Variants in ADAMTS20 observed in about 807,000 individuals in gnomAD.
The protein encoded by ADAMTS20 is A disintegrin and metalloproteinase with thrombospondin motifs 20.
A neutral mutation model predicts 260.1 loss-of-function variants in ADAMTS20; 225 were observed. The ratio of observed to expected loss-of-function variants is 0.87; its 90% CI spans 0.78 to 0.97. The LOEUF is 0.97. Ranked by LOEUF, ADAMTS20 falls within the 50% of genes least tolerant of loss-of-function variation. The pLI, the probability that ADAMTS20 is intolerant of heterozygous loss-of-function variation, is 0.00. For missense variants in ADAMTS20, 2,400 were observed against 2,337.7 expected (o/e 1.03, Z -0.55); for synonymous variants, 802 against 769.5 (o/e 1.04, Z -0.70).
At chr12:43,539,193 C>CTG (rs1943340361) in intron 2 of ADAMTS20, among the ~76,000 whole-genome samples, 1 of 152,044 alleles carries the variant, frequency 6.6e-6, no homozygotes, top group Non-Finnish European at 1.5e-5. Flanking sequence ...CCTCGTGATC[C>CTG]ACCCGCCTTG....
rs200416567 is a variant in ADAMTS20, at chr12:43,383,114, AAG to A, written c.4797+442_4797+443del. Among the ~76,000 whole-genome samples, 691 of 152,292 alleles carry A rather than the reference AAG, an allele frequency of 4.5e-3. 6 individuals are homozygous for A. The highest frequency in any genetic ancestry group is 0.016 in the African/African-American group (662 of 41,554). On this transcript the variant is annotated intron_variant, in intron 31 of 38. Coordinates refer to ENST00000389420, the MANE Select transcript of ADAMTS20 (RefSeq NM_025003.5). ...GTGAGGAGGGAAAAGAGAGGGGGGA[AAG>A]AGATTATAAAGCAGCACAAGGAAAC... is the stretch of plus-strand genomic sequence containing the variant.
In ADAMTS20 at chr12:43,439,960, T is replaced by G. The variant is rs534677515; in HGVS notation, c.2400A>C (p.Gly800=). 2 of 1,601,552 alleles carry G rather than the reference T, an allele frequency of 1.2e-6. No individual in the cohort carries two copies. Among genetic ancestry groups the G allele is most frequent in the African/African-American group, 2.7e-5 (2 of 74,956 alleles). Residue 800 remains glycine (G), a synonymous_variant, in exon 17 of 39, where the codon GGA becomes GGC. Coordinates refer to ENST00000389420, the MANE Select transcript of ADAMTS20 (RefSeq NM_025003.5). ...TAATTCTTTCAACTGCGTTATTTGATCCACTGTATTCAATAACAGTTCTTG... is the reference window on the plus strand; with the variant it reads ...TAATTCTTTCAACTGCGTTATTTGAGCCACTGTATTCAATAACAGTTCTTG... ...QGTRTVIEYS[G]SNNAVERINS...
rs767046357 is a variant in ADAMTS20, at chr12:43,428,783, C to T, written c.3506G>A (p.Gly1169Glu). Residue 1169 changes from glycine to glutamate, a missense_variant, in exon 25 of 39, where the codon GGA becomes GAA. Gly to Glu is a moderately conservative substitution (Grantham distance 98, BLOSUM62 -2). Coordinates refer to ENST00000389420, the MANE Select transcript of ADAMTS20 (RefSeq NM_025003.5). ...TACATAGCGGGCTTGAGTACCTCTT[C>T]CACAAGATACGGAGCACTTTTTAAG... ...GSWTPCSVSC[G>E]RGTQARYVSC... 2 of 1,605,678 alleles carry T rather than the reference C, an allele frequency of 1.2e-6. No homozygotes were observed. The highest frequency in any genetic ancestry group is 2.2e-5 in the South Asian group (2 of 90,026).
chr12:43,454,677 A>G (rs772096908), intron 11 of ADAMTS20, among the ~76,000 whole-genome samples: 4 of 152,134 alleles, frequency 2.6e-5, no homozygotes, highest in Non-Finnish European at 5.9e-5. Context: ...TACACCAAAC[A>G]TCACTCCAGC....
chr12:43,416,894 A>G (rs1448571444), intron 28 of ADAMTS20, among the ~76,000 whole-genome samples: 2 of 151,980 alleles, frequency 1.3e-5, no homozygotes, highest in East Asian at 3.9e-4. Context: ...TCTTTTCCCA[A>G]TCAAAATCCT....
At chr12:43,366,535 G>A (rs989846743) in intron 37 of ADAMTS20, among the ~76,000 whole-genome samples, 5 of 151,754 alleles carry the variant, frequency 3.3e-5, no homozygotes, top group African/African-American at 9.7e-5. Context: ...TGTATTGAAT[G>A]TTTTCCAGGA....
intron 29 of ADAMTS20, among the ~76,000 whole-genome samples, chr12:43,385,985 G>A (rs1237485349): frequency 6.6e-6 from 1 of 152,052 alleles, no homozygotes; most frequent in Non-Finnish European, 1.5e-5. Context: ...GTATTTCTGT[G>A]GGATCAGTGG....
At chr12:43,420,207 C>T (rs1941200198) in intron 28 of ADAMTS20, among the ~76,000 whole-genome samples, 1 of 152,210 alleles carries the variant, frequency 6.6e-6, no homozygotes, top group Admixed American at 6.5e-5. Context: ...TCTCACCCGG[C>T]ATTCTGGCCA....
intron 3 of ADAMTS20, among the ~76,000 whole-genome samples, chr12:43,523,569 C>T (rs1370696372): frequency 6.6e-6 from 1 of 152,062 alleles, no homozygotes; most frequent in Non-Finnish European, 1.5e-5. Context: ...GCTTAGATGG[C>T]CTAAAATTTA....
chr12:43,521,309 C>A (rs945897101), intron 3 of ADAMTS20, among the ~76,000 whole-genome samples: 1 of 152,100 alleles, frequency 6.6e-6, no homozygotes, highest in Non-Finnish European at 1.5e-5. Flanking sequence ...TTCCTCCAGA[C>A]CAATGCTGAT....
intron 28 of ADAMTS20, among the ~76,000 whole-genome samples, chr12:43,410,720 G>A (rs994947213): frequency 6.6e-6 from 1 of 152,210 alleles, no homozygotes; most frequent in African/African-American, 2.4e-5. Flanking sequence ...GAAAGACTTG[G>A]ATTTCTGGAA....
intron 18 of ADAMTS20, among the ~76,000 whole-genome samples, chr12:43,435,641 T>TAAAAAAAAAAAAAAAAAAAAAAAA (rs35112845): frequency 1.2e-5 from 1 of 84,670 alleles, no homozygotes; most frequent in Non-Finnish European, 2.3e-5. Context: ...ACTCCATTTC[T>TAAAAAAAAAAAAAAAAAAAAAAAA]AAAAAAAAAA....
At chr12:43,353,407 T>C (rs1333843305), downstream of ADAMTS20, among the ~76,000 whole-genome samples, 1 of 151,958 alleles carries the variant, frequency 6.6e-6, no homozygotes, top group Non-Finnish European at 1.5e-5. Context: ...TTTTAAAGAA[T>C]ATATATACAC....
intron 22 of ADAMTS20, 53 bp downstream of exon 22, chr12:43,431,279 G>C (rs1406863700): frequency 1.3e-6 from 2 of 1,560,984 alleles, no homozygotes; most frequent in South Asian, 1.2e-5. Context: ...CACAACTTTT[G>C]TGCTATTCTG....
intron 11 of ADAMTS20, among the ~76,000 whole-genome samples, chr12:43,460,706 A>C (rs1344241534): frequency 6.6e-6 from 1 of 152,016 alleles, no homozygotes; most frequent in African/African-American, 2.4e-5. Context: ...AGAATTGATA[A>C]ATTATAGTAC....
At chr12:43,369,240 T>C in intron 37 of ADAMTS20, 50 bp downstream of exon 37, 1 of 1,156,906 alleles carries the variant, frequency 8.6e-7, no homozygotes, top group South Asian at 2.1e-5. Flanking sequence ...GAAGAGAAGC[T>C]ATAATTTTTT....
intron 11 of ADAMTS20, among the ~76,000 whole-genome samples, chr12:43,458,556 T>C (rs907416065): frequency 1.3e-5 from 2 of 152,226 alleles, no homozygotes; most frequent in Non-Finnish European, 2.9e-5. Context: ...GATATCCTCA[T>C]AGCTAACCCT....
chr12:43,439,843 T>C (rs900834504), intron 17 of ADAMTS20, 54 bp downstream of exon 17: 26 of 1,559,426 alleles, frequency 1.7e-5, no homozygotes, highest in Non-Finnish European at 2.2e-5. Context: ...ACTTAACCAG[T>C]AGTTTACTAA....
intron 26 of ADAMTS20, 63 bp from the exon 27 acceptor site, chr12:43,427,532 T>A (rs1335161104): frequency 1.7e-6 from 2 of 1,197,064 alleles, no homozygotes; most frequent in South Asian, 1.9e-5. Context: ...ATTTACATGG[T>A]AAAAAAAAAA....
Sources: allele counts gnomAD v4.1 joint callset (sites outside exome capture counted in the v4.1 genomes callset), GRCh38; gene constraint gnomAD v4.1.1; transcripts MANE v1.5; gene names NCBI Gene and HGNC (gene_info 2026-07-23, HGNC 2026-07-21).